The following ARHGEF33 variants were observed in gnomAD, a reference collection of about 807,000 sequenced individuals.
ARHGEF33 encodes the protein Rho guanine nucleotide exchange factor 33, also known as DH and coiled-coil domain-containing protein ENSP00000381780.
In ARHGEF33, 72 loss-of-function variants were observed where a neutral mutation model predicts 101.9. That is an observed-to-expected ratio of 0.71 (90% confidence interval 0.58 to 0.86). The LOEUF (loss-of-function observed/expected upper bound fraction) is 0.86, where lower values mean the gene tolerates loss of function less well. Among genes scored for constraint, ARHGEF33 ranks in the 40% least tolerant of loss-of-function variants. The pLI is 0.00. For synonymous variants in ARHGEF33, 499 were observed against 442.5 expected (o/e 1.13, Z -1.60); for missense variants, 1,169 against 1,111.3 (o/e 1.05, Z -0.74).
chr2:38,941,462 C>T (rs1352655171), intron 9 of ARHGEF33, among the ~76,000 whole-genome samples: 1 of 152,150 alleles, frequency 6.6e-6, no homozygotes, highest in Admixed American at 6.5e-5. Context: ...AGCAATTGTT[C>T]CACTGTCCTC....
At chr2:38,969,105 C>G (rs1415348464) in intron 17 of ARHGEF33, among the ~76,000 whole-genome samples, 1 of 152,170 alleles carries the variant, frequency 6.6e-6, no homozygotes, top group Admixed American at 6.5e-5. Context: ...TAGTCCCAGC[C>G]ATTACACAGG....
At position 38,934,153 on chromosome 2, in the gene ARHGEF33, C is replaced by A. The variant is rs182368491; in HGVS notation, c.506-1622C>A. Among the ~76,000 whole-genome samples the A allele has an allele frequency of 2.4e-4, 37 of 152,258 alleles. 1 individual carries two copies. Among genetic ancestry groups the A allele is most frequent in the Non-Finnish European group, 2.9e-5 (2 of 68,012 alleles). On this transcript the variant is annotated intron_variant, in intron 7 of 17. Transcript: ENST00000409978. ...CACTCAATATTGGCTTTCATCCTTACCACTCCTGATAGTTTTTGGTACCCT... is the reference window on the plus strand; with the variant it reads ...CACTCAATATTGGCTTTCATCCTTAACACTCCTGATAGTTTTTGGTACCCT...
intron 2 of ARHGEF33, among the ~76,000 whole-genome samples, chr2:38,915,964 T>A (rs1194059453): frequency 1.3e-5 from 2 of 152,106 alleles, no homozygotes; most frequent in Non-Finnish European, 1.5e-5. Flanking sequence ...AGTTCGAGGT[T>A]ACATTGAGCT....
intron 7 of ARHGEF33, among the ~76,000 whole-genome samples, chr2:38,935,365 G>A (rs141967932): frequency 6.6e-6 from 1 of 151,672 alleles, no homozygotes; most frequent in Non-Finnish European, 1.5e-5. Context: ...GTTTTTTTGG[G>A]GGGAGGGGGT....
intron 4 of ARHGEF33, among the ~76,000 whole-genome samples, chr2:38,923,563 G>T (rs1428252956): frequency 6.6e-6 from 1 of 152,060 alleles, no homozygotes; most frequent in African/African-American, 2.4e-5. Context: ...CTAAGGGCAG[G>T]AATTTAGTCC....
chr2:38,892,122 G>C (rs1666018587), intron 1 of ARHGEF33, among the ~76,000 whole-genome samples: 1 of 152,138 alleles, frequency 6.6e-6, no homozygotes, highest in Admixed American at 6.5e-5. Context: ...TTATCCATTT[G>C]AGGAAATCTC....
chr2:38,966,193 G>T (rs1453309501), intron 17 of ARHGEF33, 48 bp downstream of exon 17: 2 of 1,535,218 alleles, frequency 1.3e-6, no homozygotes, highest in African/African-American at 1.4e-5. Context: ...TTCCCTTTGG[G>T]CTAAATCTTG....
intron 15 of ARHGEF33, among the ~76,000 whole-genome samples, chr2:38,958,668 A>G (rs1365432861): frequency 6.6e-6 from 1 of 151,928 alleles, no homozygotes; most frequent in Non-Finnish European, 1.5e-5. Context: ...TTTTCAGACC[A>G]CCAGAGTAAG....
intron 10 of ARHGEF33, among the ~76,000 whole-genome samples, chr2:38,947,948 C>A (rs1467611062): frequency 6.6e-6 from 1 of 152,182 alleles, no homozygotes; most frequent in Non-Finnish European, 1.5e-5. Context: ...CATTATTAAC[C>A]TCAAACTATA....
chr2:38,936,328 C>G (rs1309963759), intron 8 of ARHGEF33, among the ~76,000 whole-genome samples: 5 of 152,146 alleles, frequency 3.3e-5, no homozygotes, highest in African/African-American at 1.2e-4. Context: ...AAGCTTCCCT[C>G]TCTCCTTCCT....
chr2:38,935,938 G>T, intron 8 of ARHGEF33, 104 bp downstream of exon 8: 3 of 937,516 alleles, frequency 3.2e-6, no homozygotes, highest in Non-Finnish European at 4.9e-6. Flanking sequence ...AGGCATGAAA[G>T]AACTCACAAA....
rs1438929428 is a variant in ARHGEF33 at position 38,960,567 on chromosome 2, C to T, written c.2262C>T (p.Val754=). The T allele has an allele frequency of 4.1e-5, 52 of 1,278,710 alleles. No homozygotes were observed. The highest frequency in any genetic ancestry group is 4.8e-5 in the Non-Finnish European group (48 of 995,146). 79.2% of individuals were successfully genotyped at this position (1,278,710 alleles called of 1,614,324 possible). A position where few individuals can be genotyped will look rare whatever the true frequency, so the allele number is the denominator to read the frequency against. The change falls in exon 16 of 18, where the codon GTC becomes GTT. Residue 754 remains valine, a synonymous_variant. Transcript: ENST00000409978. ...AQAHGPAAAA[V]AARGASRTFF... The stretch of plus-strand genomic sequence containing the variant: ...CGCACGGCCCGGCCGCCGCCGCCGT[C>T]GCCGCCCGCGGCGCATCCAGGACCT...
At chr2:38,918,066 G>A (rs1666674437) in intron 2 of ARHGEF33, among the ~76,000 whole-genome samples, 2 of 152,166 alleles carry the variant, frequency 1.3e-5, no homozygotes, top group African/African-American at 4.8e-5. Context: ...ATTTAAGCAG[G>A]AGAGGAATTT....
intron 11 of ARHGEF33, among the ~76,000 whole-genome samples, 179 bp downstream of exon 11, chr2:38,951,300 T>C (rs1164943110): frequency 6.6e-6 from 1 of 152,220 alleles, no homozygotes; most frequent in Non-Finnish European, 1.5e-5. Context: ...TTTAAAAGCC[T>C]TGCTGAAATC....
intron 6 of ARHGEF33, among the ~76,000 whole-genome samples, 158 bp from the exon 7 acceptor site, chr2:38,930,951 T>C (rs1666985508): frequency 6.6e-6 from 1 of 152,368 alleles, no homozygotes; most frequent in East Asian, 1.9e-4. Context: ...ACCATATGAA[T>C]TGCTAGTATT....
At chr2:38,968,787 G>A (rs1240399232) in intron 17 of ARHGEF33, among the ~76,000 whole-genome samples, 2 of 152,218 alleles carry the variant, frequency 1.3e-5, no homozygotes, top group East Asian at 3.8e-4. Flanking sequence ...GGATTTCCTG[G>A]CTTTTTAGAT....
At chr2:38,969,520 G>A (rs1668122510) in intron 17 of ARHGEF33, 1 of 169,266 alleles carries the variant, frequency 5.9e-6, no homozygotes, top group African/African-American at 2.4e-5. Flanking sequence ...CTGAGGCTGG[G>A]AGGGCCGAAG....
intron 2 of ARHGEF33, among the ~76,000 whole-genome samples, chr2:38,911,299 C>T (rs1666504318): frequency 6.6e-6 from 1 of 152,154 alleles, no homozygotes; most frequent in African/African-American, 2.4e-5. Flanking sequence ...TCACCCTCCC[C>T]CCAGCATAAA....
chr2:38,891,424 A>G (rs1470951913), intron 1 of ARHGEF33, among the ~76,000 whole-genome samples: 4 of 150,272 alleles, frequency 2.7e-5, no homozygotes, highest in African/African-American at 9.8e-5. Context: ...TTTTTCTTTA[A>G]TGACAGCAGT....
Sources: gnomAD v4.1 joint callset for allele counts (sites outside exome capture counted in the v4.1 genomes callset) on GRCh38, gnomAD v4.1.1 for gene constraint, MANE v1.5 for transcripts, NCBI Gene and HGNC (gene_info 2026-07-23, HGNC 2026-07-21) for gene names.